Variants in NAA15 observed in about 807,000 individuals in gnomAD.
NAA15 encodes N-terminal acetyltransferase.
NAA15 carries 34 observed loss-of-function variants against 114.0 expected under a neutral mutation model. The ratio of observed to expected loss-of-function variants is 0.30; its 90% CI spans 0.23 to 0.40. The LOEUF (loss-of-function observed/expected upper bound fraction) is 0.40. Ranked by LOEUF, NAA15 falls within the 10% of genes least tolerant of loss-of-function variation. The pLI, the probability that NAA15 is intolerant of heterozygous loss-of-function variation, is 1.00. For missense variants in NAA15, 658 were observed against 1,004.5 expected, an observed-to-expected ratio of 0.66 and a Z score of 4.66; for synonymous variants, 340 against 338.0, an observed-to-expected ratio of 1.01 and a Z score of -0.06.
chr4:139,338,487 G>A (rs940444314), intron 3 of NAA15, among the ~76,000 whole-genome samples: 3 of 151,424 alleles, frequency 2.0e-5, no homozygotes, highest in South Asian at 2.1e-4. Flanking sequence ...TGATCTTGTC[G>A]CCCAGGCTGG....
chr4:139,365,429 C>G (rs541646688), intron 14 of NAA15, among the ~76,000 whole-genome samples: 60 of 152,306 alleles, frequency 3.9e-4, no homozygotes, highest in Non-Finnish European at 8.1e-4. Flanking sequence ...CATCCTTGCT[C>G]TGCCTTTTAC....
chr4:139,349,063 G>A (rs1039576107), intron 6 of NAA15, among the ~76,000 whole-genome samples: 2 of 152,182 alleles, frequency 1.3e-5, no homozygotes, highest in Non-Finnish European at 2.9e-5. Context: ...GAATTGTTTT[G>A]TAGCTGATTA....
At chr4:139,348,897 T>A (rs138881590) in intron 6 of NAA15, among the ~76,000 whole-genome samples, 3 of 152,160 alleles carry the variant, frequency 2.0e-5, no homozygotes, top group African/African-American at 7.2e-5. Flanking sequence ...GCTGATAGGT[T>A]GATAGTTTTT....
chr4:139,308,631 T>A (rs1746107105), intron 1 of NAA15, among the ~76,000 whole-genome samples: 1 of 152,146 alleles, frequency 6.6e-6, no homozygotes, highest in African/African-American at 2.4e-5. Flanking sequence ...GGAGTCTCAC[T>A]TTTGTCGTCC....
At chr4:139,314,553 G>A (rs1560952375) in intron 1 of NAA15, among the ~76,000 whole-genome samples, 1 of 151,856 alleles carries the variant, frequency 6.6e-6, no homozygotes, top group East Asian at 1.9e-4. Flanking sequence ...AAGTATGGCT[G>A]TTTACTAAGA....
At chr4:139,372,556 A>G (rs1414553622) in intron 15 of NAA15, among the ~76,000 whole-genome samples, 1 of 152,086 alleles carries the variant, frequency 6.6e-6, no homozygotes, top group Non-Finnish European at 1.5e-5. Flanking sequence ...TTCCTCAGCT[A>G]ACTTCCTCCA....
intron 1 of NAA15, among the ~76,000 whole-genome samples, chr4:139,305,074 C>T (rs915455539): frequency 6.6e-6 from 1 of 152,210 alleles, no homozygotes; most frequent in Non-Finnish European, 1.5e-5. Context: ...AGGGCTACTA[C>T]ATCCAGCTAA....
At chr4:139,373,426 C>A (rs1748497713) in intron 15 of NAA15, among the ~76,000 whole-genome samples, 2 of 151,868 alleles carry the variant, frequency 1.3e-5, no homozygotes, top group Non-Finnish European at 2.9e-5. Context: ...CATTGTTGAC[C>A]AAAACATCAT....
At chr4:139,369,737 CAAAAAA>C (rs1247894181) in intron 14 of NAA15, among the ~76,000 whole-genome samples, 1 of 79,246 alleles carries the variant, frequency 1.3e-5, no homozygotes, top group Non-Finnish European at 2.5e-5. Flanking sequence ...GACTCCGTCT[CAAAAAA>C]AAAAAAAAAA....
chr4:139,387,822 A>T (rs1046800565), intron 19 of NAA15, 62 bp from the exon 20 acceptor site: 68 of 1,309,288 alleles, frequency 5.2e-5, no homozygotes, highest in South Asian at 7.7e-5. Context: ...GAAATGTCTA[A>T]TAAATTCCCA....
intron 1 of NAA15, among the ~76,000 whole-genome samples, chr4:139,321,169 ACT>A (rs1746589027): frequency 7.0e-6 from 1 of 143,698 alleles, no homozygotes; most frequent in Non-Finnish European, 1.5e-5. Flanking sequence ...TATTTAATCG[ACT>A]CTGTTTTTAT....
chr4:139,327,618 C>T (rs954008151), intron 1 of NAA15, among the ~76,000 whole-genome samples: 4 of 152,122 alleles, frequency 2.6e-5, no homozygotes, highest in Admixed American at 6.5e-5. Context: ...TCTGTGTGTA[C>T]ACCTAGGTTG....
intron 15 of NAA15, among the ~76,000 whole-genome samples, chr4:139,371,692 T>C (rs1748444415): frequency 6.6e-6 from 1 of 152,042 alleles, no homozygotes; most frequent in Non-Finnish European, 1.5e-5. Context: ...GCACAGAAAA[T>C]GGACCTTTGA....
chr4:139,313,424 G>A (rs1329999230), intron 1 of NAA15, among the ~76,000 whole-genome samples: 4 of 151,762 alleles, frequency 2.6e-5, no homozygotes, highest in Admixed American at 2.6e-4. Context: ...TATCTATTTT[G>A]AGCCAGATTT....
At chr4:139,341,420 C>A (rs1196036546) in intron 4 of NAA15, among the ~76,000 whole-genome samples, 1 of 150,846 alleles carries the variant, frequency 6.6e-6, no homozygotes, top group African/African-American at 2.4e-5. Flanking sequence ...ACAGTGAAAC[C>A]CCATCTCTAC....
intron 15 of NAA15, among the ~76,000 whole-genome samples, chr4:139,374,898 G>T (rs1328916697): frequency 2.0e-5 from 3 of 152,130 alleles, no homozygotes; most frequent in African/African-American, 7.2e-5. Flanking sequence ...CTCCAAGTTC[G>T]AGTACTTGAT....
At chr4:139,386,951 A>AAACAAAGGGATAGCT (rs1207227372) in intron 19 of NAA15, among the ~76,000 whole-genome samples, 1 of 152,238 alleles carries the variant, frequency 6.6e-6, no homozygotes, top group East Asian at 1.9e-4. Flanking sequence ...TTTAAACTAG[A>AAACAAAGGGATAGCT]AACAAAGGGA....
At chr4:139,381,882 C>A (rs1430761900) in intron 17 of NAA15, among the ~76,000 whole-genome samples, 1 of 152,148 alleles carries the variant, frequency 6.6e-6, no homozygotes, top group Non-Finnish European at 1.5e-5. Context: ...AAATCAAAAA[C>A]CCCTTAGAAA....
chr4:139,309,541 G>T (rs1390914357), intron 1 of NAA15, among the ~76,000 whole-genome samples: 10 of 151,560 alleles, frequency 6.6e-5, no homozygotes, highest in Admixed American at 6.6e-4. Context: ...CTGCCAAGTA[G>T]CTGAGATTAT....
Sources: allele counts gnomAD v4.1 joint callset (sites outside exome capture counted in the v4.1 genomes callset), GRCh38; gene constraint gnomAD v4.1.1; transcripts MANE v1.5; gene names NCBI Gene and HGNC (gene_info 2026-07-23, HGNC 2026-07-21).